CLEC9A: variants seen among roughly 807,000 people sequenced by gnomAD.
CLEC9A encodes the protein C-type lectin domain family 9 member A.
In CLEC9A, 24 loss-of-function variants were observed where a neutral mutation model predicts 30.0. The ratio of observed to expected loss-of-function variants is 0.80; its 90% CI spans 0.58 to 1.13. The LOEUF is 1.13. Ranked by LOEUF, CLEC9A falls within the 50% of genes most tolerant of loss-of-function variation. CLEC9A has a pLI of 0.00. For synonymous variants in CLEC9A, 111 were observed against 96.8 expected (o/e 1.15, Z -0.86); for missense variants, 251 against 280.9 (o/e 0.89, Z 0.76).
At chr12:10,065,428 T>A in intron 8 of CLEC9A, 72 bp from the exon 9 acceptor site, 1 of 1,576,316 alleles carries the variant, frequency 6.3e-7, no homozygotes, top group Non-Finnish European at 8.7e-7. Context: ...TACACACCTC[T>A]CATTAGTTAC....
chr12:10,053,252 C>T (rs1196226050), intron 4 of CLEC9A, among the ~76,000 whole-genome samples: 1 of 152,112 alleles, frequency 6.6e-6, no homozygotes, highest in Non-Finnish European at 1.5e-5. Context: ...ATCACACAGA[C>T]TTAGGGGATT....
chr12:10,044,014 A>G (rs984473498), intron 2 of CLEC9A, among the ~76,000 whole-genome samples: 2 of 151,862 alleles, frequency 1.3e-5, no homozygotes, highest in Non-Finnish European at 2.9e-5. Context: ...TTTCATCCTT[A>G]TTTTGTTACA....
chr12:10,049,427 A>G (rs1316539930), intron 2 of CLEC9A, among the ~76,000 whole-genome samples: 4 of 152,264 alleles, frequency 2.6e-5, no homozygotes, highest in Non-Finnish European at 4.4e-5. Context: ...CTCTCCAGCT[A>G]TAAAAGTCCT....
rs138181784 is a variant in CLEC9A, at chr12:10,044,040, C to T, written c.-163+2420C>T. 9.5e-4 allele frequency among the ~76,000 whole-genome samples: 145 copies of T among 152,300 alleles called. 1 individual carries two copies. Among genetic ancestry groups the T allele is most frequent in the African/African-American group, 3.1e-3 (130 of 41,564 alleles). On this transcript the variant is annotated intron_variant, in intron 2 of 8. Coordinates refer to ENST00000355819, the MANE Select transcript of CLEC9A (RefSeq NM_207345.4). ...TTTTGTTACAGTTGAAAGTTGTAAACTTGAGAGTCTTTTGACTTTTCGGTG... is the reference window on the plus strand; with the variant it reads ...TTTTGTTACAGTTGAAAGTTGTAAATTTGAGAGTCTTTTGACTTTTCGGTG...
chr12:10,064,710 C>T, intron 7 of CLEC9A, 22 bp from the exon 8 acceptor site: 1 of 1,507,810 alleles, frequency 6.6e-7, no homozygotes. Context: ...TCTCATTTCA[C>T]AGTTCAATTT....
At position 10,061,190 on chromosome 12, in the gene CLEC9A, T is replaced by C. The variant is rs201101896; in HGVS notation, c.236T>C (p.Leu79Pro). 1.2e-6 allele frequency: 2 copies of C among 1,613,438 alleles called. No individual in the cohort carries two copies. Among genetic ancestry groups the C allele is most frequent in the East Asian group, 2.2e-5 (1 of 44,836 alleles). ...AAACTCATCCAACAAGAGAGGGCAC[T>C]GCTAAACTTTACAGAATGGAAGAGA... ...QEKLIQQERA[L>P]LNFTEWKRSC... is the part of the protein sequence containing the mutation. The change falls in exon 6 of 9, where the codon CTG (leucine) becomes CCG (proline). Residue 79 changes from leucine to proline, a missense_variant. Physicochemically the swap from Leu to Pro is moderately conservative, Grantham distance 98. Transcript: ENST00000355819.
At chr12:10,055,627 T>C (rs77498171) in intron 5 of CLEC9A, among the ~76,000 whole-genome samples, 1 of 152,222 alleles carries the variant, frequency 6.6e-6, no homozygotes, top group African/African-American at 2.4e-5. Flanking sequence ...ATGCAACATC[T>C]TGAAGCACTG....
intron 1 of CLEC9A, among the ~76,000 whole-genome samples, chr12:10,037,532 G>A (rs945904382): frequency 1.3e-5 from 2 of 151,968 alleles, no homozygotes; most frequent in Non-Finnish European, 2.9e-5. Context: ...ACACTCACAC[G>A]CACCCGCACT....
chr12:10,049,570 C>T (rs1178457070), intron 2 of CLEC9A, among the ~76,000 whole-genome samples: 1 of 152,238 alleles, frequency 6.6e-6, no homozygotes, highest in Non-Finnish European at 1.5e-5. Flanking sequence ...TTTGCCGCTT[C>T]ATCTTTCGTT....
At chr12:10,058,030 CT>C (rs1305471899) in intron 5 of CLEC9A, among the ~76,000 whole-genome samples, 1 of 151,726 alleles carries the variant, frequency 6.6e-6, no homozygotes, top group Non-Finnish European at 1.5e-5. Flanking sequence ...ATTGTTTTGT[CT>C]TTATTCCTCA....
chr12:10,037,556 A>G (rs1215262769), intron 1 of CLEC9A, among the ~76,000 whole-genome samples: 1 of 152,082 alleles, frequency 6.6e-6, no homozygotes, highest in African/African-American at 2.4e-5. Flanking sequence ...TCACACTGGG[A>G]CCATGTAGAC....
At chr12:10,058,201 A>T (rs1865960217) in intron 5 of CLEC9A, among the ~76,000 whole-genome samples, 1 of 152,220 alleles carries the variant, frequency 6.6e-6, no homozygotes, top group Admixed American at 6.5e-5. Flanking sequence ...AGCTTCTATG[A>T]TATAGCTAAT....
Position 10,041,325 on chromosome 12 carries a change from G to A in CLEC9A, c.-317-141G>A, listed in dbSNP as rs528173641. 148 of 231,850 alleles carry A rather than the reference G, an allele frequency of 6.4e-4. 3 individuals carry two copies. The South Asian group carries it at 9.2e-3, about 14-fold the overall frequency. The allele number at this position is 231,850 out of a possible 1,614,324, so 14.4% of individuals were successfully genotyped here. A position where few individuals can be genotyped will look rare whatever the true frequency, so the allele number is the denominator to read the frequency against. On this transcript the variant is annotated intron_variant, in intron 1 of 8. Transcript: ENST00000355819. ...TTTTAGTAGGTATTGTTTTTTTAAC[G>A]TCTTCATTTCTCCAACCCCTGGAGC...
chr12:10,052,609 CA>C lies in CLEC9A; in HGVS notation c.-58-19del. 6.4e-7 allele frequency: 1 copy of C among 1,560,330 alleles called. No homozygotes were observed. The highest frequency in any genetic ancestry group is 8.7e-7 in the Non-Finnish European group (1 of 1,152,660). ...ATGTAACCAATTTCAGTTCTTACAC[CA>C]ACCTGCTCCAAACCACAAGAGGAGT... On this transcript the variant is annotated intron_variant, in intron 3 of 8. Transcript: ENST00000355819.
At chr12:10,062,071 A>T (rs1866003487) in intron 6 of CLEC9A, among the ~76,000 whole-genome samples, 1 of 146,248 alleles carries the variant, frequency 6.8e-6, no homozygotes, top group Admixed American at 6.6e-5. Context: ...TGAGCCATCA[A>T]CCTTGAATAG....
intron 7 of CLEC9A, 21 bp from the exon 8 acceptor site, chr12:10,064,711 A>G: frequency 6.7e-7 from 1 of 1,499,730 alleles, no homozygotes; most frequent in South Asian, 1.2e-5. Flanking sequence ...CTCATTTCAC[A>G]GTTCAATTTT....
intron 2 of CLEC9A, among the ~76,000 whole-genome samples, chr12:10,045,124 A>C (rs1457073451): frequency 6.6e-6 from 1 of 152,146 alleles, no homozygotes; most frequent in Non-Finnish European, 1.5e-5. Flanking sequence ...CATCCATTGC[A>C]GCTCTTTGTC....
At chr12:10,057,822 A>G (rs1419747032) in intron 5 of CLEC9A, among the ~76,000 whole-genome samples, 1 of 152,056 alleles carries the variant, frequency 6.6e-6, no homozygotes, top group Admixed American at 6.5e-5. Context: ...TAATTTTTCT[A>G]CCACATTATT....
In CLEC9A at chr12:10,052,663, G is replaced by T. The variant is rs1400303772; in HGVS notation, c.-25G>T. On this transcript the variant is annotated 5_prime_UTR_variant, in exon 4 of 9. Coordinates refer to ENST00000355819, the MANE Select transcript of CLEC9A (RefSeq NM_207345.4). ...CTTGTTCCAGCCTCCTGTGTGGACT[G>T]CTTTCCTATCAAAGCACCTTAGACA... 2 of 1,612,694 alleles carry T rather than the reference G, an allele frequency of 1.2e-6. No homozygotes were observed. Among genetic ancestry groups the T allele is most frequent in the Middle Eastern group, 1.7e-4 (1 of 6,056 alleles).
Sources: allele counts gnomAD v4.1 joint callset (sites outside exome capture counted in the v4.1 genomes callset), GRCh38; gene constraint gnomAD v4.1.1; transcripts MANE v1.5; gene names NCBI Gene and HGNC (gene_info 2026-07-23, HGNC 2026-07-21).